The following GLIS3 variants were observed in gnomAD, a reference collection of about 807,000 sequenced individuals.
GLIS3 encodes GLIS family zinc finger 3.
In GLIS3, 53 loss-of-function variants were observed where a neutral mutation model predicts 78.6. The ratio of observed to expected loss-of-function variants is 0.67; its 90% CI spans 0.54 to 0.85. The LOEUF (loss-of-function observed/expected upper bound fraction) is 0.85. Ranked by LOEUF, GLIS3 falls within the 40% of genes least tolerant of loss-of-function variation. The probability of loss-of-function intolerance (pLI) is 0.00; values close to 1 mark genes in which losing one functional copy is unlikely to be tolerated. For missense variants in GLIS3, 1,703 were observed against 1,231.1 expected (o/e 1.38, Z -5.74); for synonymous variants, 684 against 509.9 (o/e 1.34, Z -4.60).
At chr9:4,402,676 T>A in the GLIS3 span, among the ~76,000 whole-genome samples, 1 of 152,142 alleles carries the variant, frequency 6.6e-6, no homozygotes, top group Admixed American at 6.5e-5. Flanking sequence ...AAAATGCAAT[T>A]GACATGCTGA....
At chr9:4,084,045 G>C (rs1828783657) in intron 4 of GLIS3, among the ~76,000 whole-genome samples, 1 of 152,130 alleles carries the variant, frequency 6.6e-6, no homozygotes, top group South Asian at 2.1e-4. Context: ...TTACCATTCA[G>C]AGTCTGAGGC....
At chr9:4,460,413 T>C in the GLIS3 span, among the ~76,000 whole-genome samples, 7 of 152,218 alleles carry the variant, frequency 4.6e-5, no homozygotes, top group Middle Eastern at 3.2e-3. Context: ...ACAAGCATAA[T>C]GGGTTACCAT....
At chr9:4,031,343 G>A (rs796877521) in intron 4 of GLIS3, among the ~76,000 whole-genome samples, 5 of 152,270 alleles carry the variant, frequency 3.3e-5, no homozygotes, top group African/African-American at 1.2e-4. Flanking sequence ...ACTGCAATGT[G>A]GATGAACCTT....
chr9:4,190,114 A>G (rs1358783460), intron 2 of GLIS3, among the ~76,000 whole-genome samples: 1 of 152,196 alleles, frequency 6.6e-6, no homozygotes, highest in Non-Finnish European at 1.5e-5. Flanking sequence ...GAAACTCTAA[A>G]AAGCAGAGCG....
At chr9:3,990,031 A>T (rs1463042867) in intron 4 of GLIS3, among the ~76,000 whole-genome samples, 1 of 152,246 alleles carries the variant, frequency 6.6e-6, no homozygotes, top group Non-Finnish European at 1.5e-5. Flanking sequence ...TACTTCTCAC[A>T]AGTGCATGTG....
intron 2 of GLIS3, among the ~76,000 whole-genome samples, chr9:4,140,416 C>T (rs1320188152): frequency 6.6e-6 from 1 of 152,198 alleles, no homozygotes; most frequent in Non-Finnish European, 1.5e-5. Context: ...CAAAAAGACA[C>T]ATTCTCTATC....
the GLIS3 span, among the ~76,000 whole-genome samples, chr9:4,411,731 A>G: frequency 2.6e-5 from 4 of 152,224 alleles, no homozygotes; most frequent in African/African-American, 7.2e-5. Flanking sequence ...GCTCCCAAAG[A>G]AATAACCCAT....
rs532849616 is a variant in GLIS3, at chr9:3,880,520, G to T, written c.2129-925C>A. On this transcript the variant is annotated intron_variant, in intron 7 of 10. Coordinates refer to ENST00000381971, the MANE Select transcript of GLIS3 (RefSeq NM_001042413.2). Reference sequence around the variant, plus strand: ...TCTTTAACTTCCTTCTTTGTACAAAGTTATGCTGAGCTCCATACCCATTTC... The same window carrying T: ...TCTTTAACTTCCTTCTTTGTACAAATTTATGCTGAGCTCCATACCCATTTC... Among the ~76,000 whole-genome samples, 7 of 152,272 alleles carry T rather than the reference G, an allele frequency of 4.6e-5. No individual in the cohort carries two copies. The South Asian group carries it at 1.5e-3, about 32-fold the overall frequency.
the GLIS3 span, among the ~76,000 whole-genome samples, chr9:4,485,719 CTT>C: frequency 4.2e-5 from 6 of 143,194 alleles, no homozygotes; most frequent in Admixed American, 7.0e-5. Context: ...CCTGCCTCTG[CTT>C]TTTTTTTTTT....
chr9:4,191,465 C>A (rs1818327230), intron 2 of GLIS3, among the ~76,000 whole-genome samples: 1 of 152,174 alleles, frequency 6.6e-6, no homozygotes. Flanking sequence ...ATGGAATTTA[C>A]TTGTCTACAT....
At chr9:4,416,810 C>CA in the GLIS3 span, among the ~76,000 whole-genome samples, 12 of 101,000 alleles carry the variant, frequency 1.2e-4, no homozygotes, top group Non-Finnish European at 1.8e-4. Context: ...TTCCCATAGT[C>CA]AGTTTTTTTT....
chr9:3,878,812 G>T (rs985353152), intron 8 of GLIS3: 1 of 157,452 alleles, frequency 6.4e-6, no homozygotes, highest in African/African-American at 2.4e-5. Flanking sequence ...AAAGGGGAAG[G>T]AGATGGAGAA....
chr9:3,991,876 G>A (rs967783819), intron 4 of GLIS3, among the ~76,000 whole-genome samples: 1 of 151,822 alleles, frequency 6.6e-6, no homozygotes, highest in Non-Finnish European at 1.5e-5. Flanking sequence ...ATTTTTAGTA[G>A]AGACGGGGTT....
At chr9:4,186,263 C>T (rs1475863979) in intron 2 of GLIS3, among the ~76,000 whole-genome samples, 1 of 150,984 alleles carries the variant, frequency 6.6e-6, no homozygotes, top group Non-Finnish European at 1.5e-5. Context: ...GCCTTTTGTC[C>T]TTGCGATACT....
At chr9:3,955,845 C>T (rs1463960706) in intron 4 of GLIS3, among the ~76,000 whole-genome samples, 2 of 151,714 alleles carry the variant, frequency 1.3e-5, no homozygotes, top group African/African-American at 4.8e-5. Flanking sequence ...CCTAAGAGAC[C>T]ATAAAGAGGA....
the GLIS3 span, among the ~76,000 whole-genome samples, chr9:4,462,280 G>T: frequency 1.7e-4 from 26 of 152,116 alleles, no homozygotes; most frequent in Non-Finnish European, 3.1e-4. Flanking sequence ...CAGAAATTAG[G>T]AATAAGTGTG....
intron 2 of GLIS3, among the ~76,000 whole-genome samples, chr9:4,321,299 G>T (rs1188682864): frequency 7.6e-6 from 1 of 131,306 alleles, no homozygotes; most frequent in African/African-American, 3.7e-5. Flanking sequence ...GCGGGCGCCT[G>T]TAGTCCCAGC....
the GLIS3 span, among the ~76,000 whole-genome samples, chr9:4,461,549 G>T: frequency 6.6e-6 from 1 of 152,090 alleles, no homozygotes; most frequent in African/African-American, 2.4e-5. Context: ...GTGTTACTAG[G>T]GTTTGGATTC....
intron 3 of GLIS3, among the ~76,000 whole-genome samples, chr9:4,120,878 T>A (rs1832123756): frequency 6.6e-6 from 1 of 152,234 alleles, no homozygotes; most frequent in Non-Finnish European, 1.5e-5. Flanking sequence ...TTGTATTATT[T>A]GGTTTCAGGG....
Sources: allele counts gnomAD v4.1 joint callset (sites outside exome capture counted in the v4.1 genomes callset), GRCh38; gene constraint gnomAD v4.1.1; transcripts MANE v1.5; gene names NCBI Gene and HGNC (gene_info 2026-07-23, HGNC 2026-07-21).